The following SP2 variants were observed in gnomAD, a reference collection of about 807,000 sequenced individuals.
SP2 encodes Sp2 transcription factor.
In SP2, 9 loss-of-function variants were observed where a neutral mutation model predicts 50.1. That is an observed-to-expected ratio of 0.18 (90% CI 0.11 to 0.31). The LOEUF is 0.31. SP2 is among the 10% of genes least tolerant of loss of function. The probability of loss-of-function intolerance (pLI) is 1.00; values close to 1 mark genes in which losing one functional copy is unlikely to be tolerated. For synonymous variants in SP2, 313 were observed against 326.6 expected, an observed-to-expected ratio of 0.96 and a Z score of 0.45; for missense variants, 581 against 806.5, an observed-to-expected ratio of 0.72 and a Z score of 3.39.
At chr17:47,927,336 C>G (rs2035688356) in intron 6 of SP2, among the ~76,000 whole-genome samples, 1 of 151,982 alleles carries the variant, frequency 6.6e-6, no homozygotes, top group African/African-American at 2.4e-5. Flanking sequence ...GAGTTCGAGA[C>G]CAGCCTGGAC....
chr17:47,920,184 C>T (rs530334953), intron 3 of SP2, among the ~76,000 whole-genome samples: 5 of 150,320 alleles, frequency 3.3e-5, no homozygotes, highest in East Asian at 2.0e-4. Flanking sequence ...CTTTTCAGGT[C>T]GGCTCTCTGC....
At chr17:47,915,143 G>A (rs1468012208) in intron 1 of SP2, among the ~76,000 whole-genome samples, 169 bp from the exon 2 acceptor site, 2 of 151,964 alleles carry the variant, frequency 1.3e-5, no homozygotes, top group Non-Finnish European at 2.9e-5. Context: ...AACTTGGAAG[G>A]GGGAGGTTGC....
Position 47,916,717 on chromosome 17 carries a change from G to A in SP2, c.646G>A (p.Val216Ile), listed in dbSNP as rs140739569. 12 of 1,613,116 alleles carry A rather than the reference G, an allele frequency of 7.4e-6. No homozygotes were observed. Among genetic ancestry groups the A allele is most frequent in the Admixed American group, 3.3e-5 (2 of 59,964 alleles). ...CGGCAATGTGACGCTCACTCTGCCC[G>A]TCAACAACCTTGTGAACGCCAGTGA... Reference protein sequence around the residue: ...GGGNVTLTLPVNNLVNASDTG... With the variant: ...GGGNVTLTLPINNLVNASDTG... The change falls in exon 3 of 7, where the codon GTC (valine) becomes ATC (isoleucine). Residue 216 changes from valine (V) to isoleucine (I), a missense_variant. Around this residue, in one of 2 missense-constraint regions of SP2, gnomAD observed 397 missense variants for 491.0 expected, o/e 0.81. Coordinates refer to ENST00000376741, the MANE Select transcript of SP2 (RefSeq NM_003110.6). This position sits in a 1 kb window ranked among gnomAD's most constrained non-coding sequence, Gnocchi z 4.7.
chr17:47,926,502 G>A (rs2035656997), intron 6 of SP2, among the ~76,000 whole-genome samples: 1 of 151,930 alleles, frequency 6.6e-6, no homozygotes, highest in African/African-American at 2.4e-5. Context: ...TTTAGAGACA[G>A]GGTCTTACTG....
Position 47,896,246 on chromosome 17 carries a change from TGGCGGCGGA to T in SP2, c.-28_-20del, listed in dbSNP as rs758772059. On this transcript the variant is annotated 5_prime_UTR_variant, in exon 1 of 7. Coordinates refer to ENST00000376741, the MANE Select transcript of SP2 (RefSeq NM_003110.6). Reference sequence around the variant, plus strand: ...TTGGCGGGCGGTGTCAGGCTCTCGGTGGCGGCGGAGGCGGCGGAGGCCAGGGAGGAAGAT... The same window carrying T: ...TTGGCGGGCGGTGTCAGGCTCTCGGTGGCGGCGGAGGCCAGGGAGGAAGAT... 90 of 1,239,384 alleles carry T rather than the reference TGGCGGCGGA, an allele frequency of 7.3e-5. No individual in the cohort carries two copies. Among genetic ancestry groups the T allele is most frequent in the Middle Eastern group, 2.1e-4 (1 of 4,804 alleles). 76.8% of individuals were successfully genotyped at this position (1,239,384 alleles called of 1,614,324 possible). A position where few individuals can be genotyped will look rare whatever the true frequency, so the allele number is the denominator to read the frequency against.
At chr17:47,912,961 A>G (rs528518424) in intron 1 of SP2, among the ~76,000 whole-genome samples, 1 of 151,628 alleles carries the variant, frequency 6.6e-6, no homozygotes, top group Non-Finnish European at 1.5e-5. Context: ...CTGGGTTCAA[A>G]TGATTCTCCT....
At chr17:47,904,626 T>TA (rs2034685600) in intron 1 of SP2, among the ~76,000 whole-genome samples, 1 of 152,124 alleles carries the variant, frequency 6.6e-6, no homozygotes, top group Non-Finnish European at 1.5e-5. Context: ...CTCCATTCCT[T>TA]ACTCACCTTC....
In SP2 at chr17:47,925,410, G is replaced by T. The variant is rs202023956; in HGVS notation, c.1610G>T (p.Arg537Leu). The T allele has an allele frequency of 6.2e-7, 1 of 1,614,214 alleles. No homozygotes were observed. Among genetic ancestry groups the T allele is most frequent in the East Asian group, 2.2e-5 (1 of 44,892 alleles). The change falls in exon 6 of 7, where the codon CGT (arginine) becomes CTT (leucine). Residue 537 changes from arginine (R) to leucine (L), a missense_variant. Coordinates refer to ENST00000376741, the MANE Select transcript of SP2 (RefSeq NM_003110.6). ...CHIPDCGKTF[R>L]KTSLLRAHVR... is the part of the protein sequence containing the mutation. ...ATCCCCGACTGTGGCAAGACGTTCCGTAAGACGTCCTTGCTGCGTGCCCAT... is the reference window on the plus strand; with the variant it reads ...ATCCCCGACTGTGGCAAGACGTTCCTTAAGACGTCCTTGCTGCGTGCCCAT...
rs570773927 is a variant in SP2 at position 47,896,621 on chromosome 17, C to T, written c.7+328C>T. 3.2e-4 allele frequency among the ~76,000 whole-genome samples: 48 copies of T among 152,336 alleles called. No homozygotes were observed. The South Asian group carries it at 9.9e-3, about 32-fold the overall frequency. ...CACCCCTCGGACGGGTGCCGACCCA[C>T]TTCAACGCCGCTCTCCCGCCTGGGC... On this transcript the variant is annotated intron_variant, in intron 1 of 6. Transcript: ENST00000376741.
At position 47,928,133 on chromosome 17, in the gene SP2, T is replaced by G; in HGVS notation, c.*309T>G. 5.4e-5 allele frequency: 14 copies of G among 258,014 alleles called. No homozygotes were observed. The highest frequency in any genetic ancestry group is 7.7e-5 in the Non-Finnish European group (10 of 130,250). 16.0% of individuals were successfully genotyped at this position (258,014 alleles called of 1,614,324 possible). ...TTATTTCCAAAGGAAAAACATGCAT[T>G]TCACTCCGTCGAGGAGCAAAGTGAG... On this transcript the variant is annotated 3_prime_UTR_variant, in exon 7 of 7. Transcript: ENST00000376741.
At chr17:47,929,054 G>C (rs1407482215), downstream of SP2, 1 of 152,750 alleles carries the variant, frequency 6.5e-6, no homozygotes, top group East Asian at 1.9e-4. Context: ...TCCACACTGG[G>C]ACCAAGGTAG....
Position 47,925,558 on chromosome 17 carries a change from C to T in SP2, c.1741+17C>T, listed in dbSNP as rs373581725. The T allele has an allele frequency of 8.1e-6, 13 of 1,603,124 alleles. No homozygotes were observed. The African/African-American group carries it at 1.5e-4, about 18-fold the overall frequency. The stretch of plus-strand genomic sequence containing the variant: ...CCCACACAGGTCAGCCCCCTGCCTT[C>T]GGGACCCTCCACCCACAGAGGTCAA... On this transcript the variant is annotated intron_variant, in intron 6 of 6. Coordinates refer to ENST00000376741, the MANE Select transcript of SP2 (RefSeq NM_003110.6).
At chr17:47,920,508 G>A (rs538645787) in intron 3 of SP2, among the ~76,000 whole-genome samples, 57 of 151,850 alleles carry the variant, frequency 3.8e-4, no homozygotes, top group African/African-American at 1.4e-3. Flanking sequence ...GGGTAGTCTC[G>A]ATCTCCTGAC....
At chr17:47,915,904 A>G (rs556120983) in intron 2 of SP2, among the ~76,000 whole-genome samples, 1 of 152,174 alleles carries the variant, frequency 6.6e-6, no homozygotes, top group East Asian at 1.9e-4. Flanking sequence ...CTGTTAGTTT[A>G]CCCTGTCTGT....
intron 1 of SP2, among the ~76,000 whole-genome samples, chr17:47,914,213 A>G (rs932057003): frequency 2.0e-5 from 3 of 152,152 alleles, no homozygotes; most frequent in Non-Finnish European, 4.4e-5. Context: ...TCTACTAAAA[A>G]TACAAAAATT....
intron 2 of SP2, 57 bp downstream of exon 2, chr17:47,915,445 C>G: frequency 9.2e-7 from 1 of 1,090,140 alleles, no homozygotes. Flanking sequence ...ACAGACTCAC[C>G]GAAAACACTC....
At chr17:47,901,345 CTG>C in intron 1 of SP2, among the ~76,000 whole-genome samples, 1 of 152,272 alleles carries the variant, frequency 6.6e-6, no homozygotes, top group East Asian at 1.9e-4. Context: ...CGGGGTTTCA[CTG>C]TGTTGGCCAG....
chr17:47,919,004 C>CAT (rs2035327068), intron 3 of SP2, among the ~76,000 whole-genome samples: 2 of 114,190 alleles, frequency 1.8e-5, no homozygotes, highest in South Asian at 5.7e-4. Flanking sequence ...GATGCAAATA[C>CAT]ACACACACAC....
chr17:47,915,449 A>G, intron 2 of SP2, 61 bp downstream of exon 2: 1 of 1,073,930 alleles, frequency 9.3e-7, no homozygotes, highest in South Asian at 1.4e-5. Flanking sequence ...ACTCACCGAA[A>G]ACACTCTCTC....
Sources: allele counts gnomAD v4.1 joint callset (sites outside exome capture counted in the v4.1 genomes callset), GRCh38; gene constraint gnomAD v4.1.1; regional missense constraint gnomAD v4.1.1; non-coding constraint Gnocchi (gnomAD v3.1); transcripts MANE v1.5; gene names NCBI Gene and HGNC (gene_info 2026-07-23, HGNC 2026-07-21).